Variants in DPT observed in about 807,000 individuals in gnomAD.
The protein encoded by DPT is dermatopontin, also known as tyrosine-rich acidic matrix protein.
Under a neutral mutation model 31.2 loss-of-function variants are expected in DPT, and 21 were observed. That is an observed-to-expected ratio of 0.67 (90% CI 0.48 to 0.97). DPT has a LOEUF of 0.97. Ranked by LOEUF, DPT falls within the 50% of genes least tolerant of loss-of-function variation. The probability of loss-of-function intolerance (pLI) is 0.00; values close to 1 mark genes in which losing one functional copy is unlikely to be tolerated. For synonymous variants in DPT, 91 were observed against 86.9 expected, an observed-to-expected ratio of 1.05 and a Z score of -0.26; for missense variants, 262 against 258.8, an observed-to-expected ratio of 1.01 and a Z score of -0.08.
chr1:168,697,418 G>T (rs74122743), intron 3 of DPT, among the ~76,000 whole-genome samples: 4,495 of 152,242 alleles, frequency 0.03, 234 homozygotes, highest in African/African-American at 0.1. Context: ...GAATGAAAAA[G>T]TCCCTTAAAT....
intron 3 of DPT, among the ~76,000 whole-genome samples, chr1:168,697,840 C>T (rs541481056): frequency 2.0e-5 from 3 of 152,254 alleles, no homozygotes; most frequent in East Asian, 3.9e-4. Context: ...ATTTCAGATT[C>T]GCAGTTTATT....
At chr1:168,715,381 A>G (rs974373192) in intron 1 of DPT, among the ~76,000 whole-genome samples, 35 of 151,104 alleles carry the variant, frequency 2.3e-4, no homozygotes, top group Admixed American at 9.9e-4. Flanking sequence ...CTACCTGACC[A>G]CAGTGGATTT....
chr1:168,697,814 C>G (rs1649497362), intron 3 of DPT, among the ~76,000 whole-genome samples: 1 of 152,142 alleles, frequency 6.6e-6, no homozygotes, highest in African/African-American at 2.4e-5. Context: ...TAAGGTAATA[C>G]AAGTAATAGG....
chr1:168,710,657 G>T (rs530575940), intron 2 of DPT, among the ~76,000 whole-genome samples: 1 of 152,116 alleles, frequency 6.6e-6, no homozygotes, highest in Non-Finnish European at 1.5e-5. Flanking sequence ...CTGGTGAATT[G>T]CATCTAAGGG....
chr1:168,700,908 GGTGTGTGTGT>G, intron 3 of DPT, 99 bp downstream of exon 3: 1 of 127,564 alleles, frequency 7.8e-6, no homozygotes, highest in Non-Finnish European at 1.3e-5. Flanking sequence ...TGTGTGTGTG[GGTGTGTGTGT>G]GTGTGTGTGT....
intron 2 of DPT, among the ~76,000 whole-genome samples, chr1:168,708,573 T>C (rs1054917715): frequency 3.3e-5 from 5 of 152,254 alleles, no homozygotes; most frequent in Admixed American, 6.5e-5. Context: ...TCTTCATTTT[T>C]ATTTTTTTAT....
chr1:168,701,156 T>A, intron 2 of DPT, 32 bp from the exon 3 acceptor site: 2 of 1,490,230 alleles, frequency 1.3e-6, no homozygotes, highest in South Asian at 2.3e-5. Flanking sequence ...TAGAGGAAAA[T>A]GAAACACATT....
chr1:168,718,401 G>A (rs555382493), intron 1 of DPT, among the ~76,000 whole-genome samples: 1 of 152,342 alleles, frequency 6.6e-6, no homozygotes, highest in East Asian at 1.9e-4. Context: ...ACTCTGCCCT[G>A]TGAAGATTAT....
rs189254986 is a variant in DPT at position 168,712,098 on chromosome 1, C to G, written c.431+2123G>C. Among the ~76,000 whole-genome samples, 799 of 152,306 alleles carry G rather than the reference C, an allele frequency of 5.2e-3. 2 individuals are homozygous for G. The highest frequency in any genetic ancestry group is 8.9e-3 in the Non-Finnish European group (605 of 68,022). On this transcript the variant is annotated intron_variant, in intron 2 of 3. Coordinates refer to ENST00000367817, the MANE Select transcript of DPT (RefSeq NM_001937.5). Reference sequence around the variant, plus strand: ...TTAAGAAGACACTATGTTCCAAGCACTATACTGGGCATTGAAAATACAAAG... The same window carrying G: ...TTAAGAAGACACTATGTTCCAAGCAGTATACTGGGCATTGAAAATACAAAG...
At chr1:168,727,747 A>C (rs952205989) in intron 1 of DPT, among the ~76,000 whole-genome samples, 1 of 151,454 alleles carries the variant, frequency 6.6e-6, no homozygotes, top group Non-Finnish European at 1.5e-5. Flanking sequence ...TGTGTTCCCT[A>C]GGCTGGTCTC....
chr1:168,727,692 C>T (rs2101915542), intron 1 of DPT, among the ~76,000 whole-genome samples: 1 of 123,334 alleles, frequency 8.1e-6, no homozygotes, highest in African/African-American at 3.2e-5. Context: ...CTGCATGCAA[C>T]TACACCGGGC....
In DPT at chr1:168,696,378, G is replaced by A. The variant is rs58987681; in HGVS notation, c.*171C>T. The A allele has an allele frequency of 9.7e-3, 5,804 of 600,236 alleles. 235 individuals are homozygous for A. Among genetic ancestry groups the A allele is most frequent in the African/African-American group, 0.096 (5,173 of 53,832 alleles). 37.2% of individuals were successfully genotyped at this position (600,236 alleles called of 1,614,324 possible). A position where few individuals can be genotyped will look rare whatever the true frequency, so the allele number is the denominator to read the frequency against. ...GGTTTAATTGTGGATTTTATTAGAAGTGTGATACTAGTCAGAAAGGCCCAG... is the reference window on the plus strand; with the variant it reads ...GGTTTAATTGTGGATTTTATTAGAAATGTGATACTAGTCAGAAAGGCCCAG... On this transcript the variant is annotated 3_prime_UTR_variant, in exon 4 of 4. Transcript: ENST00000367817.
rs190325124 is a variant in DPT at position 168,726,136 on chromosome 1, G to A, written c.305+2734C>T. Among the ~76,000 whole-genome samples, 5 of 152,268 alleles carry A rather than the reference G, an allele frequency of 3.3e-5. No individual in the cohort carries two copies. In the East Asian group the frequency reaches 5.8e-4, roughly 18 times the overall value. ...GTTTTCAACCCTGTGATTAGTAGACGGGGAGAAGGAGGCAACAGAGGGTGG... is the reference window on the plus strand; with the variant it reads ...GTTTTCAACCCTGTGATTAGTAGACAGGGAGAAGGAGGCAACAGAGGGTGG... On this transcript the variant is annotated intron_variant, in intron 1 of 3. Coordinates refer to ENST00000367817, the MANE Select transcript of DPT (RefSeq NM_001937.5).
chr1:168,726,822 G>A (rs1392707033), intron 1 of DPT, among the ~76,000 whole-genome samples: 1 of 152,226 alleles, frequency 6.6e-6, no homozygotes, highest in Non-Finnish European at 1.5e-5. Context: ...AGGTGAGCCT[G>A]GTCTCTGAAT....
chr1:168,714,136 C>A, intron 2 of DPT, 85 bp downstream of exon 2: 3 of 1,587,300 alleles, frequency 1.9e-6, no homozygotes, highest in Non-Finnish European at 2.6e-6. Context: ...GTGTGTGACC[C>A]TCAAGCTTAC....
chr1:168,715,206 C>T (rs1467552919), intron 1 of DPT, among the ~76,000 whole-genome samples: 1 of 152,240 alleles, frequency 6.6e-6, no homozygotes, highest in African/African-American at 2.4e-5. Context: ...TCTACCTGTG[C>T]TGCTGCTGGT....
At chr1:168,701,563 A>C (rs532715012) in intron 2 of DPT, among the ~76,000 whole-genome samples, 2 of 152,246 alleles carry the variant, frequency 1.3e-5, no homozygotes, top group Admixed American at 6.5e-5. Context: ...CATCACATGC[A>C]GTAAGGACGA....
chr1:168,700,962 A>G lies in DPT; in HGVS notation c.539+55T>C, dbSNP rs1204241554. ...TCCTGCAGGTAAAATCCTTGCAGGG[A>G]GTTAGTCCCAACTCCTTTAACCCTA... On this transcript the variant is annotated intron_variant, in intron 3 of 3. Coordinates refer to ENST00000367817, the MANE Select transcript of DPT (RefSeq NM_001937.5). The G allele has an allele frequency of 5.9e-6, 7 of 1,177,330 alleles. No homozygotes were observed. In the Admixed American group the frequency reaches 1.2e-4, roughly 20 times the overall value. 72.9% of individuals were successfully genotyped at this position (1,177,330 alleles called of 1,614,324 possible).
intron 1 of DPT, 101 bp downstream of exon 1, chr1:168,728,769 G>T: frequency 6.9e-7 from 1 of 1,455,822 alleles, no homozygotes; most frequent in Non-Finnish European, 9.4e-7. Flanking sequence ...GATTTGCCCA[G>T]GCTTTGGTTA....
Sources: allele counts gnomAD v4.1 joint callset (sites outside exome capture counted in the v4.1 genomes callset), GRCh38; gene constraint gnomAD v4.1.1; transcripts MANE v1.5; gene names NCBI Gene and HGNC (gene_info 2026-07-23, HGNC 2026-07-21).